Variants in AGBL4 observed in about 807,000 individuals in gnomAD.
The protein encoded by AGBL4 is cytosolic carboxypeptidase 6.
AGBL4 carries 58 observed loss-of-function variants against 66.4 expected under a neutral mutation model. That is an observed-to-expected ratio of 0.87 (90% CI 0.71 to 1.09). AGBL4 has a LOEUF of 1.09. Among genes scored for constraint, AGBL4 ranks in the 50% least tolerant of loss-of-function variants. The pLI is 0.00. For missense variants in AGBL4, 579 were observed against 631.0 expected (o/e 0.92, Z 0.88); for synonymous variants, 234 against 222.9 (o/e 1.05, Z -0.44).
intron 9 of AGBL4, among the ~76,000 whole-genome samples, chr1:48,633,237 T>A (rs776325304): frequency 6.6e-6 from 1 of 152,208 alleles, no homozygotes; most frequent in Admixed American, 6.5e-5. Flanking sequence ...ACTGACTTTT[T>A]CATTAATCCC....
intron 2 of AGBL4, among the ~76,000 whole-genome samples, chr1:49,821,662 G>A (rs375013624): frequency 2.0e-5 from 3 of 152,280 alleles, no homozygotes; most frequent in East Asian, 3.9e-4. Flanking sequence ...CATTTGGTAT[G>A]TTTTAACTTT....
chr1:49,392,890 A>C (rs953359179), intron 3 of AGBL4, among the ~76,000 whole-genome samples: 1 of 152,204 alleles, frequency 6.6e-6, no homozygotes, highest in African/African-American at 2.4e-5. Context: ...TGTAATCATA[A>C]ACAATATATA....
chr1:49,510,551 G>C (rs1225497897), intron 3 of AGBL4, among the ~76,000 whole-genome samples: 1 of 150,606 alleles, frequency 6.6e-6, no homozygotes, highest in Non-Finnish European at 1.5e-5. Flanking sequence ...CACTCTGATG[G>C]TAGTTTCTTT....
chr1:49,042,423 C>G (rs536232316), intron 5 of AGBL4, among the ~76,000 whole-genome samples: 41 of 152,296 alleles, frequency 2.7e-4, no homozygotes, highest in Admixed American at 1.6e-3. Flanking sequence ...AATTCTCCCA[C>G]ATAGTTAGAG....
intron 4 of AGBL4, among the ~76,000 whole-genome samples, chr1:49,053,699 A>T (rs1364177409): frequency 3.3e-5 from 5 of 152,160 alleles, no homozygotes; most frequent in East Asian, 1.9e-4. Flanking sequence ...TAAAATTCTT[A>T]AAAAAATTTT....
intron 6 of AGBL4, among the ~76,000 whole-genome samples, chr1:48,853,393 T>C (rs554538578): frequency 3.4e-4 from 52 of 152,356 alleles, no homozygotes; most frequent in Admixed American, 9.1e-4. Flanking sequence ...TAAACATCTA[T>C]TGATGTTTGA....
chr1:49,237,507 T>G (rs1650855726), intron 4 of AGBL4, among the ~76,000 whole-genome samples: 1 of 89,248 alleles, frequency 1.1e-5, no homozygotes, highest in Non-Finnish European at 2.3e-5. Context: ...TTCCTCAATA[T>G]TACATTATAT....
intron 4 of AGBL4, among the ~76,000 whole-genome samples, chr1:49,050,884 G>T (rs1644197230): frequency 1.3e-5 from 2 of 152,088 alleles, no homozygotes; most frequent in Non-Finnish European, 2.9e-5. Flanking sequence ...TGACTAAGTT[G>T]ACTTATGAGT....
intron 6 of AGBL4, among the ~76,000 whole-genome samples, chr1:48,718,613 G>T (rs897603721): frequency 2.6e-5 from 4 of 152,130 alleles, no homozygotes; most frequent in African/African-American, 9.7e-5. Flanking sequence ...CTGGTGGGAG[G>T]GAGAGGTGGG....
At chr1:49,635,035 T>A (rs892033779) in intron 3 of AGBL4, among the ~76,000 whole-genome samples, 5 of 152,174 alleles carry the variant, frequency 3.3e-5, no homozygotes, top group African/African-American at 1.2e-4. Context: ...TGATTCTGGA[T>A]TCAGGCTAAA....
chr1:49,948,033 T>TAA (rs1258302810), intron 1 of AGBL4, among the ~76,000 whole-genome samples: 18 of 28,404 alleles, frequency 6.3e-4, no homozygotes, highest in African/African-American at 1.2e-3. Flanking sequence ...TATAAATATA[T>TAA]ATACATATAA....
At chr1:49,244,301 A>G (rs1651461153) in intron 4 of AGBL4, among the ~76,000 whole-genome samples, 1 of 151,812 alleles carries the variant, frequency 6.6e-6, no homozygotes, top group African/African-American at 2.4e-5. Context: ...ATATATGCCT[A>G]TTAACAGAGA....
chr1:49,140,972 C>T (rs1646106342), intron 4 of AGBL4, among the ~76,000 whole-genome samples: 1 of 152,046 alleles, frequency 6.6e-6, no homozygotes, highest in Non-Finnish European at 1.5e-5. Flanking sequence ...AGGTGGGTGC[C>T]ATTTCTTAGC....
intron 3 of AGBL4, among the ~76,000 whole-genome samples, chr1:49,254,922 T>C (rs1219193361): frequency 1.3e-5 from 2 of 152,096 alleles, no homozygotes; most frequent in Non-Finnish European, 2.9e-5. Context: ...AAACGATTAC[T>C]TATTAAACAA....
At chr1:49,895,103 T>C (rs1201684504) in intron 1 of AGBL4, among the ~76,000 whole-genome samples, 1 of 151,620 alleles carries the variant, frequency 6.6e-6, no homozygotes, top group Non-Finnish European at 1.5e-5. Context: ...GACAGTGGCA[T>C]GACATATTTA....
At chr1:49,846,133 G>T (rs1246743251) in intron 2 of AGBL4, 2 of 1,477,778 alleles carry the variant, frequency 1.4e-6, no homozygotes, top group African/African-American at 2.8e-5. Flanking sequence ...AACACCAGAG[G>T]ATTCATACCA....
intron 6 of AGBL4, among the ~76,000 whole-genome samples, chr1:48,738,577 C>T (rs1180539614): frequency 2.0e-5 from 3 of 152,224 alleles, no homozygotes; most frequent in Non-Finnish European, 4.4e-5. Context: ...CTTGAAGCCA[C>T]CCACACAAGC....
chr1:48,832,454 G>A (rs1420959869), intron 6 of AGBL4, among the ~76,000 whole-genome samples: 1 of 152,072 alleles, frequency 6.6e-6, no homozygotes, highest in Admixed American at 6.6e-5. Flanking sequence ...TCTTATTGTT[G>A]CCACAAAGTT....
intron 1 of AGBL4, among the ~76,000 whole-genome samples, chr1:49,935,063 G>A (rs187901458): frequency 1.7e-4 from 26 of 152,366 alleles, no homozygotes; most frequent in African/African-American, 5.3e-4. Context: ...AGGGGTCAGG[G>A]AGTTCCCTTT....
Sources: allele counts gnomAD v4.1 joint callset (sites outside exome capture counted in the v4.1 genomes callset), GRCh38; gene constraint gnomAD v4.1.1; transcripts MANE v1.5; gene names NCBI Gene and HGNC (gene_info 2026-07-23, HGNC 2026-07-21).